The following UTRN variants were observed in gnomAD, a reference collection of about 807,000 sequenced individuals.
The protein encoded by UTRN is utrophin.
In UTRN, 283 loss-of-function variants were observed where a neutral mutation model predicts 463.9. That is an observed-to-expected ratio of 0.61 (90% CI 0.55 to 0.67). The LOEUF is 0.67. UTRN is among the 30% of genes least tolerant of loss of function. The pLI, the probability that UTRN is intolerant of heterozygous loss-of-function variation, is 0.00. For missense variants in UTRN, 3,922 were observed against 4,084.3 expected, an observed-to-expected ratio of 0.96 and a Z score of 1.08; for synonymous variants, 1,442 against 1,431.5, an observed-to-expected ratio of 1.01 and a Z score of -0.17.
intron 2 of UTRN, among the ~76,000 whole-genome samples, chr6:144,389,607 TTC>T (rs372908540): frequency 1.3e-5 from 2 of 151,702 alleles, no homozygotes; most frequent in African/African-American, 4.8e-5. Flanking sequence ...TCTTTTTTTT[TTC>T]CCCCCCTGAG....
intron 2 of UTRN, among the ~76,000 whole-genome samples, chr6:144,300,111 T>A (rs1416124195): frequency 6.7e-6 from 1 of 149,978 alleles, no homozygotes; most frequent in South Asian, 2.1e-4. Flanking sequence ...TGAGCCGTAG[T>A]CTTCCTCTTG....
chr6:144,699,447 A>T (rs1228055040), intron 52 of UTRN, among the ~76,000 whole-genome samples: 21 of 138,446 alleles, frequency 1.5e-4, no homozygotes, highest in African/African-American at 5.2e-4. Context: ...CTCAAAAAAA[A>T]AAATAATAAT....
At chr6:144,565,587 C>T (rs1432363097) in intron 50 of UTRN, among the ~76,000 whole-genome samples, 3 of 152,098 alleles carry the variant, frequency 2.0e-5, no homozygotes, top group African/African-American at 7.2e-5. Context: ...GCAGATTTGT[C>T]ATGTTCAGAA....
intron 51 of UTRN, among the ~76,000 whole-genome samples, chr6:144,591,646 G>A (rs1803084104): frequency 6.6e-6 from 1 of 152,146 alleles, no homozygotes; most frequent in South Asian, 2.1e-4. Flanking sequence ...GTAGAGGATG[G>A]AAAGAAATAC....
chr6:144,549,346 A>G (rs1798698661), intron 47 of UTRN, among the ~76,000 whole-genome samples: 1 of 152,224 alleles, frequency 6.6e-6, no homozygotes, highest in Non-Finnish European at 1.5e-5. Context: ...TGAGTGGTAC[A>G]AGGATACTGA....
chr6:144,753,700 C>CA (rs559496930), intron 56 of UTRN, among the ~76,000 whole-genome samples: 3,757 of 107,424 alleles, frequency 0.035, 84 homozygotes, highest in Middle Eastern at 0.077. Context: ...TTGTCTCTAC[C>CA]AAAAAAAAAA....
intron 14 of UTRN, among the ~76,000 whole-genome samples, chr6:144,445,089 G>T (rs1375054623): frequency 6.6e-6 from 1 of 152,090 alleles, no homozygotes; most frequent in East Asian, 1.9e-4. Context: ...GGTGGCTCAC[G>T]CCTGTAATCC....
At chr6:144,363,396 G>A (rs563901134) in intron 2 of UTRN, among the ~76,000 whole-genome samples, 1 of 152,204 alleles carries the variant, frequency 6.6e-6, no homozygotes, top group Non-Finnish European at 1.5e-5. Flanking sequence ...CTGGTGAGGT[G>A]TAAGATGGTT....
chr6:144,533,732 TATA>T (rs1797283476), intron 43 of UTRN, among the ~76,000 whole-genome samples: 1 of 150,774 alleles, frequency 6.6e-6, no homozygotes, highest in South Asian at 2.1e-4. Flanking sequence ...TATAATATAA[TATA>T]ATATAGTATT....
Position 144,781,961 on chromosome 6 carries a change from A to C in UTRN, c.8672A>C (p.Lys2891Thr), listed in dbSNP as rs139828108. Residue 2891 changes from lysine to threonine, a missense_variant, in exon 61 of 75, where the codon AAA becomes ACA. Lys to Thr is a moderately conservative substitution (Grantham distance 78, BLOSUM62 -1). Transcript: ENST00000367545. Reference protein sequence around the residue: ...LELSTTNEIFKQHKLNQNDQL... With the variant: ...LELSTTNEIFTQHKLNQNDQL... ...TTGAGTACAACAAATGAAATTTTCA[A>C]ACAGCACAAGTTGAACCAAAATGAC... 1 of 1,614,042 alleles carries C rather than the reference A, an allele frequency of 6.2e-7. No individual in the cohort carries two copies. Among genetic ancestry groups the C allele is most frequent in the South Asian group, 1.1e-5 (1 of 91,072 alleles).
At chr6:144,401,971 C>T (rs1782974047) in intron 2 of UTRN, among the ~76,000 whole-genome samples, 1 of 152,168 alleles carries the variant, frequency 6.6e-6, no homozygotes. Flanking sequence ...GGAGCCACAC[C>T]TTTCTGCACT....
At chr6:144,628,012 G>A (rs978939008) in intron 51 of UTRN, among the ~76,000 whole-genome samples, 1 of 152,014 alleles carries the variant, frequency 6.6e-6, no homozygotes, top group Non-Finnish European at 1.5e-5. Context: ...TGTCGGTCAG[G>A]CTGGTCTCGA....
At chr6:144,703,148 G>T (rs1372409828) in intron 53 of UTRN, among the ~76,000 whole-genome samples, 1 of 152,148 alleles carries the variant, frequency 6.6e-6, no homozygotes, top group African/African-American at 2.4e-5. Flanking sequence ...TTTGCTGATG[G>T]ATTAGATGTG....
At chr6:144,426,766 A>G (rs1036318786) in intron 7 of UTRN, among the ~76,000 whole-genome samples, 1 of 152,238 alleles carries the variant, frequency 6.6e-6, no homozygotes, top group Non-Finnish European at 1.5e-5. Context: ...GATAATGTAT[A>G]CAAAAAATTG....
chr6:144,439,815 A>C (rs1786960423), intron 12 of UTRN, among the ~76,000 whole-genome samples: 1 of 152,152 alleles, frequency 6.6e-6, no homozygotes, highest in Admixed American at 6.5e-5. Context: ...TAAATTTTCT[A>C]TACACATGTA....
At chr6:144,825,415 CT>C (rs1372963990) in intron 66 of UTRN, among the ~76,000 whole-genome samples, 2 of 152,126 alleles carry the variant, frequency 1.3e-5, no homozygotes, top group African/African-American at 2.4e-5. Flanking sequence ...ATCATTTAAT[CT>C]TTTTTTCTAC....
chr6:144,567,395 A>G (rs1217151482), intron 50 of UTRN, among the ~76,000 whole-genome samples: 1 of 152,146 alleles, frequency 6.6e-6, no homozygotes, highest in Non-Finnish European at 1.5e-5. Context: ...TAAAGGGGAA[A>G]TAGGATGTGG....
chr6:144,767,213 A>C (rs1219793172), intron 58 of UTRN, among the ~76,000 whole-genome samples: 1 of 152,112 alleles, frequency 6.6e-6, no homozygotes, highest in East Asian at 1.9e-4. Flanking sequence ...GAAATCACAT[A>C]TTTTAAAGTA....
intron 52 of UTRN, among the ~76,000 whole-genome samples, chr6:144,686,664 T>A (rs1217764117): frequency 6.6e-6 from 1 of 152,190 alleles, no homozygotes; most frequent in Admixed American, 6.5e-5. Flanking sequence ...TCTTTTTTTT[T>A]AACTGTTGTT....
Sources: gnomAD v4.1 joint callset for allele counts (sites outside exome capture counted in the v4.1 genomes callset) on GRCh38, gnomAD v4.1.1 for gene constraint, MANE v1.5 for transcripts, NCBI Gene and HGNC (gene_info 2026-07-23, HGNC 2026-07-21) for gene names.